The following TANC2 variants were observed in gnomAD, a reference collection of about 807,000 sequenced individuals.
TANC2 encodes tetratricopeptide repeat, ankyrin repeat and coiled-coil containing 2, also known as protein TANC2.
Under a neutral mutation model 210.5 loss-of-function variants are expected in TANC2, and 26 were observed. That is an observed-to-expected ratio of 0.12 (90% CI 0.09 to 0.17). The LOEUF is 0.17. Among genes scored for constraint, TANC2 ranks in the 10% least tolerant of loss-of-function variants. TANC2 has a pLI of 1.00. For missense variants in TANC2, 2,129 were observed against 2,608.9 expected, an observed-to-expected ratio of 0.82 and a Z score of 4.01; for synonymous variants, 931 against 967.1, an observed-to-expected ratio of 0.96 and a Z score of 0.69.
In TANC2 at chr17:63,152,906, A is replaced by G. The variant is rs146433421; in HGVS notation, c.433+1526A>G. ...TTATGTATATTTTCCACAGGCATGA[A>G]TTCTTTGTTGAATTAGAATTAAACT... On this transcript the variant is annotated intron_variant, in intron 5 of 27. Coordinates refer to ENST00000689528, the Ensembl canonical transcript of TANC2. 1.9e-4 allele frequency: 29 copies of G among 152,298 alleles called. No individual in the cohort carries two copies. In the East Asian group the frequency reaches 5.6e-3, roughly 29 times the overall value. 9.4% of individuals were successfully genotyped at this position (152,298 alleles called of 1,614,324 possible). A position where few individuals can be genotyped will look rare whatever the true frequency, so the allele number is the denominator to read the frequency against.
rs539599118 is a variant in TANC2, at chr17:63,109,776, G to C, written c.322+10419G>C. Among the ~76,000 whole-genome samples the C allele has an allele frequency of 4.0e-5, 6 of 151,832 alleles. No homozygotes were observed. In the East Asian group the frequency reaches 5.8e-4, roughly 15 times the overall value. On this transcript the variant is annotated intron_variant, in intron 4 of 27. Coordinates refer to ENST00000689528, the Ensembl canonical transcript of TANC2. ...AGCTTTCTTCTTTGTAACATAGCCT[G>C]CTCCTTTGTTCAGTAGTTTTAACTG...
chr17:62,983,799 G>A (rs971563152), intron 1 of TANC2, among the ~76,000 whole-genome samples: 1 of 152,046 alleles, frequency 6.6e-6, no homozygotes, highest in Non-Finnish European at 1.5e-5. Flanking sequence ...AACCATAATT[G>A]CATTCCTGAG....
chr17:63,123,919 T>C (rs777186868), intron 4 of TANC2, among the ~76,000 whole-genome samples: 25 of 152,018 alleles, frequency 1.6e-4, no homozygotes, highest in Non-Finnish European at 2.9e-4. Context: ...GCCAGGCTGG[T>C]CTTGAATGTC....
At chr17:63,055,048 C>T (rs1005401018) in intron 2 of TANC2, among the ~76,000 whole-genome samples, 14 of 152,240 alleles carry the variant, frequency 9.2e-5, no homozygotes, top group Middle Eastern at 3.4e-3. Context: ...ATTTTTCAAC[C>T]GTCATGTTTT....
At chr17:63,029,311 G>A (rs2034673757) in intron 2 of TANC2, among the ~76,000 whole-genome samples, 2 of 152,054 alleles carry the variant, frequency 1.3e-5, no homozygotes, top group Admixed American at 1.3e-4. Flanking sequence ...TTATTGTAAA[G>A]CTGCTTAGCC....
At chr17:63,347,574 G>A (rs2046454437) in intron 12 of TANC2, among the ~76,000 whole-genome samples, 1 of 152,134 alleles carries the variant, frequency 6.6e-6, no homozygotes, top group African/African-American at 2.4e-5. Flanking sequence ...AGAGTCAGAA[G>A]CTAGATTTCA....
intron 7 of TANC2, among the ~76,000 whole-genome samples, chr17:63,212,045 AC>A: frequency 6.6e-6 from 1 of 152,102 alleles, no homozygotes; most frequent in South Asian, 2.1e-4. Flanking sequence ...CCACCCCACA[AC>A]AGGCCCCGGT....
intron 4 of TANC2, among the ~76,000 whole-genome samples, chr17:63,121,900 T>C (rs1157803459): frequency 6.9e-6 from 1 of 145,354 alleles, no homozygotes; most frequent in Non-Finnish European, 1.5e-5. Flanking sequence ...CCAGGAGTTC[T>C]AGGATGCAGT....
chr17:63,237,810 TCAGC>T lies in TANC2; in HGVS notation c.770-3_770del. The T allele has an allele frequency of 1.3e-6, 2 of 1,534,416 alleles. No homozygotes were observed. Among genetic ancestry groups the T allele is most frequent in the Admixed American group, 2.1e-5 (1 of 46,788 alleles). ...TTAAATTCATTTTACTCTTTTTTTT[TCAGC>T]TACATTAACAAGCTATTCTGAAAAT... On this transcript the variant is annotated splice_acceptor_variant and splice_polypyrimidine_tract_variant and coding_sequence_variant and intron_variant, in exon 8 of 28. Coordinates refer to ENST00000689528, the Ensembl canonical transcript of TANC2. LOFTEE classifies it high-confidence loss of function.
intron 7 of TANC2, among the ~76,000 whole-genome samples, chr17:63,207,469 C>T (rs1312964987): frequency 6.6e-6 from 1 of 152,124 alleles, no homozygotes; most frequent in Non-Finnish European, 1.5e-5. Context: ...CCCGCCTCAG[C>T]CTCCCAAAGT....
At chr17:63,229,905 T>G (rs2042427053) in intron 7 of TANC2, among the ~76,000 whole-genome samples, 1 of 151,964 alleles carries the variant, frequency 6.6e-6, no homozygotes, top group African/African-American at 2.4e-5. Flanking sequence ...GCGATTTTCA[T>G]GCCTCAGCCT....
At chr17:63,139,567 C>G (rs1332262095) in intron 4 of TANC2, among the ~76,000 whole-genome samples, 1 of 152,174 alleles carries the variant, frequency 6.6e-6, no homozygotes, top group Non-Finnish European at 1.5e-5. Flanking sequence ...AATCATACCA[C>G]TGCATTCTAG....
chr17:63,404,317 A>C (rs1422865886), intron 19 of TANC2, among the ~76,000 whole-genome samples: 4 of 152,138 alleles, frequency 2.6e-5, no homozygotes, highest in Non-Finnish European at 5.9e-5. Flanking sequence ...TTGAAACGAC[A>C]CTCTGAGGAC....
At chr17:63,404,306 G>T (rs2048432960) in intron 19 of TANC2, among the ~76,000 whole-genome samples, 2 of 152,114 alleles carry the variant, frequency 1.3e-5, no homozygotes, top group African/African-American at 4.8e-5. Flanking sequence ...TCTTTCTACT[G>T]TTGAAACGAC....
intron 8 of TANC2, among the ~76,000 whole-genome samples, chr17:63,253,643 C>T (rs1036743937): frequency 7.2e-5 from 11 of 152,042 alleles, no homozygotes; most frequent in Non-Finnish European, 8.8e-5. Context: ...CATAGGATCT[C>T]GCTCTGTCAC....
intron 11 of TANC2, chr17:63,333,921 G>T (rs1416820251): frequency 6.6e-6 from 1 of 152,134 alleles, no homozygotes; most frequent in Non-Finnish European, 1.5e-5. Context: ...TTAAATTAGG[G>T]TATGTACATG....
At chr17:63,295,347 A>G (rs2044502938) in intron 9 of TANC2, among the ~76,000 whole-genome samples, 1 of 152,244 alleles carries the variant, frequency 6.6e-6, no homozygotes, top group South Asian at 2.1e-4. Flanking sequence ...ATAAAATATG[A>G]TGAGGCATTA....
At chr17:62,981,943 A>G (rs1240995493) in intron 1 of TANC2, among the ~76,000 whole-genome samples, 1 of 151,808 alleles carries the variant, frequency 6.6e-6, no homozygotes, top group Non-Finnish European at 1.5e-5. Flanking sequence ...TGGAGTCAGG[A>G]TACATCACCC....
intron 8 of TANC2, among the ~76,000 whole-genome samples, chr17:63,246,003 C>T (rs1220337052): frequency 1.7e-5 from 2 of 115,114 alleles, no homozygotes; most frequent in African/African-American, 8.7e-5. Flanking sequence ...GAGTGAGACG[C>T]TGTCTCAAAA....
Sources: allele counts gnomAD v4.1 joint callset (sites outside exome capture counted in the v4.1 genomes callset), GRCh38; gene constraint gnomAD v4.1.1; transcripts MANE v1.5; gene names NCBI Gene and HGNC (gene_info 2026-07-23, HGNC 2026-07-21).